Variants in CENPK observed in about 807,000 individuals in gnomAD.
CENPK encodes centromere protein K, also known as SoxLZ/Sox6-binding protein Solt.
CENPK carries 46 observed loss-of-function variants against 40.9 expected under a neutral mutation model. The observed-to-expected ratio is 1.13, with a 90% CI of 0.89 to 1.44. CENPK has a LOEUF of 1.44. CENPK is among the 40% of genes most tolerant of loss of function. The pLI is 0.00. For missense variants in CENPK, 288 were observed against 303.5 expected, an observed-to-expected ratio of 0.95 and a Z score of 0.38; for synonymous variants, 107 against 104.4, an observed-to-expected ratio of 1.02 and a Z score of -0.15.
At position 65,528,488 on chromosome 5, in the gene CENPK, A is replaced by G. The variant is rs1172188810; in HGVS notation, c.561T>C (p.His187=). Residue 187 remains histidine, a synonymous_variant, in exon 9 of 11, where the codon CAT becomes CAC. Coordinates refer to ENST00000396679, the MANE Select transcript of CENPK (RefSeq NM_022145.5). The part of the protein sequence containing the change: ...LSTLGEFLED[H]FPLPDRSVKK... ...TAACACTTCTATCAGGCAGAGGAAAATGGTCTTCTAGAAACTCGCCCAAGG... is the reference window on the plus strand; with the variant it reads ...TAACACTTCTATCAGGCAGAGGAAAGTGGTCTTCTAGAAACTCGCCCAAGG... 1.2e-6 allele frequency: 2 copies of G among 1,606,382 alleles called. No homozygotes were observed. Among genetic ancestry groups the G allele is most frequent in the Middle Eastern group, 1.7e-4 (1 of 5,958 alleles).
chr5:65,497,096 A>G, the CENPK span, among the ~76,000 whole-genome samples: 1 of 151,158 alleles, frequency 6.6e-6, no homozygotes, highest in Non-Finnish European at 1.5e-5. Context: ...GGCCAAGTGC[A>G]GTGGCTGACG....
intron 2 of CENPK, among the ~76,000 whole-genome samples, chr5:65,559,236 T>C (rs1751499269): frequency 6.6e-6 from 1 of 152,246 alleles, no homozygotes; most frequent in Non-Finnish European, 1.5e-5. Context: ...ACCCACATTG[T>C]AAAGACGTTA....
chr5:65,551,601 G>A lies in CENPK; in HGVS notation c.204C>T (p.Thr68=), dbSNP rs781388497. 40 of 1,570,718 alleles carry A rather than the reference G, an allele frequency of 2.5e-5. No individual in the cohort carries two copies. The highest frequency in any genetic ancestry group is 1.9e-4 in the South Asian group (16 of 84,120). ...TTTTCTGCCATTGACTGAGTTCAGC[G>A]GTTAAACATTTTACTTGCATAATTA... ...SLLIMQVKCL[T]AELSQWQKKT... is the part of the protein sequence containing the mutation. Residue 68 remains threonine, a synonymous_variant, in exon 5 of 11, where the codon ACC becomes ACT. Transcript: ENST00000396679.
chr5:65,506,445 T>C, the CENPK span, among the ~76,000 whole-genome samples: 1 of 151,854 alleles, frequency 6.6e-6, no homozygotes, highest in Admixed American at 6.6e-5. Flanking sequence ...GCCCAGGAGT[T>C]CAGGGCCAGC....
At chr5:65,551,466 A>G (rs1750034222) in intron 5 of CENPK, 98 bp downstream of exon 5, 3 of 675,144 alleles carry the variant, frequency 4.4e-6, no homozygotes, top group South Asian at 2.6e-5. Flanking sequence ...GGCAATTTCA[A>G]AAAGGCCAAA....
At chr5:65,545,558 A>G (rs1214850383) in intron 5 of CENPK, among the ~76,000 whole-genome samples, 1 of 152,184 alleles carries the variant, frequency 6.6e-6, no homozygotes, top group Non-Finnish European at 1.5e-5. Flanking sequence ...AGATAAAGAA[A>G]AACTACGACA....
intron 6 of CENPK, among the ~76,000 whole-genome samples, chr5:65,530,654 G>C (rs551275375): frequency 6.6e-6 from 1 of 152,148 alleles, no homozygotes; most frequent in Non-Finnish European, 1.5e-5. Flanking sequence ...AAACCCTAAA[G>C]TAACTATGAA....
At chr5:65,556,511 GCA>G (rs562004387) in intron 2 of CENPK, among the ~76,000 whole-genome samples, 65 of 152,048 alleles carry the variant, frequency 4.3e-4, no homozygotes, top group African/African-American at 1.6e-3. Context: ...AAATATTGTT[GCA>G]CAGTTATACA....
chr5:65,551,897 C>T (rs2150515591), intron 4 of CENPK, among the ~76,000 whole-genome samples: 1 of 151,188 alleles, frequency 6.6e-6, no homozygotes, highest in Middle Eastern at 3.5e-3. Flanking sequence ...AATTCAGATT[C>T]GACACAGATA....
At chr5:65,496,361 A>G in the CENPK span, among the ~76,000 whole-genome samples, 4 of 152,234 alleles carry the variant, frequency 2.6e-5, no homozygotes, top group African/African-American at 9.6e-5. Context: ...AGAGTGAAAG[A>G]CTGGGAACAA....
At chr5:65,540,868 C>T (rs756276334) in intron 6 of CENPK, among the ~76,000 whole-genome samples, 6 of 150,222 alleles carry the variant, frequency 4.0e-5, no homozygotes, top group South Asian at 2.1e-4. Context: ...AAGGCAGTGA[C>T]GCGATCATGG....
Position 65,518,472 on chromosome 5 carries a change from C to A in CENPK, c.*3G>T, listed in dbSNP as rs756880796. 2 of 1,607,350 alleles carry A rather than the reference C, an allele frequency of 1.2e-6. No individual in the cohort carries two copies. Among genetic ancestry groups the A allele is most frequent in the Admixed American group, 3.5e-5 (2 of 57,858 alleles). ...TTACTGTGTGAAAAAAGAAAACATCCTTTTACTGATGGAAAGCTTCTAATC... is the reference window on the plus strand; with the variant it reads ...TTACTGTGTGAAAAAAGAAAACATCATTTTACTGATGGAAAGCTTCTAATC... On this transcript the variant is annotated 3_prime_UTR_variant, in exon 11 of 11. Transcript: ENST00000396679.
the CENPK span, among the ~76,000 whole-genome samples, chr5:65,504,670 T>G: frequency 3.3e-5 from 5 of 152,180 alleles, no homozygotes; most frequent in Admixed American, 3.3e-4. Context: ...AAACATATAT[T>G]GTATTTTTTA....
At chr5:65,520,969 A>G (rs1426978192) in intron 10 of CENPK, among the ~76,000 whole-genome samples, 4 of 152,216 alleles carry the variant, frequency 2.6e-5, no homozygotes, top group African/African-American at 9.6e-5. Context: ...ATGTCAAATC[A>G]GAGAAAGTTG....
At chr5:65,542,934 A>G in intron 5 of CENPK, 86 bp from the exon 6 acceptor site, 1 of 1,069,124 alleles carries the variant, frequency 9.4e-7, no homozygotes, top group Admixed American at 2.2e-5. Context: ...TTTCTAAGAT[A>G]CTTCTTTCCA....
At chr5:65,556,568 T>A (rs1176931332) in intron 2 of CENPK, among the ~76,000 whole-genome samples, 1 of 152,142 alleles carries the variant, frequency 6.6e-6, no homozygotes, top group Non-Finnish European at 1.5e-5. Context: ...GTTGATATGT[T>A]AAAAAATTAA....
chr5:65,513,915 A>C (rs936563597), downstream of CENPK, among the ~76,000 whole-genome samples: 1 of 152,150 alleles, frequency 6.6e-6, no homozygotes, highest in Non-Finnish European at 1.5e-5. Context: ...GTTTGTTTTT[A>C]ATCACAAATA....
At chr5:65,501,272 G>A in the CENPK span, among the ~76,000 whole-genome samples, 3 of 133,236 alleles carry the variant, frequency 2.3e-5, no homozygotes, top group Non-Finnish European at 4.6e-5. Context: ...TCCACCTCCC[G>A]TGTTCCAGTG....
intron 1 of CENPK, among the ~76,000 whole-genome samples, chr5:65,562,132 T>A (rs142524226): frequency 6.6e-6 from 1 of 152,220 alleles, no homozygotes; most frequent in East Asian, 1.9e-4. Flanking sequence ...TAATGCTTAA[T>A]AAATGTTAAC....
Sources: allele counts gnomAD v4.1 joint callset (sites outside exome capture counted in the v4.1 genomes callset), GRCh38; gene constraint gnomAD v4.1.1; transcripts MANE v1.5; gene names NCBI Gene and HGNC (gene_info 2026-07-23, HGNC 2026-07-21).